The following CNTLN variants were observed in gnomAD, a reference collection of about 807,000 sequenced individuals.
CNTLN encodes centlein, centrosomal protein.
In CNTLN, 212 loss-of-function variants were observed where a neutral mutation model predicts 180.0. That is an observed-to-expected ratio of 1.18 (90% CI 1.05 to 1.32). The LOEUF (loss-of-function observed/expected upper bound fraction) is 1.32. CNTLN is among the 40% of genes most tolerant of loss of function. The probability of loss-of-function intolerance (pLI) is 0.00; values close to 1 mark genes in which losing one functional copy is unlikely to be tolerated. For missense variants in CNTLN, 2,095 were observed against 1,610.9 expected, an observed-to-expected ratio of 1.30 and a Z score of -5.14; for synonymous variants, 722 against 563.1, an observed-to-expected ratio of 1.28 and a Z score of -3.99.
At chr9:17,301,633 G>T in intron 7 of CNTLN, 2 of 980,188 alleles carry the variant, frequency 2.0e-6, no homozygotes, top group Non-Finnish European at 1.2e-6. Context: ...TTTTAATTTT[G>T]TAGTTGTTTT....
chr9:17,408,458 A>T (rs1025638108), intron 15 of CNTLN, among the ~76,000 whole-genome samples: 1 of 151,504 alleles, frequency 6.6e-6, no homozygotes, highest in African/African-American at 2.4e-5. Flanking sequence ...GAGGGAAGGG[A>T]TTTTTTTTCT....
chr9:17,463,334 T>C (rs1831559574), intron 20 of CNTLN, among the ~76,000 whole-genome samples: 1 of 151,548 alleles, frequency 6.6e-6, no homozygotes, highest in South Asian at 2.1e-4. Context: ...AAATATATGA[T>C]TAGTATTTGT....
intron 2 of CNTLN, among the ~76,000 whole-genome samples, chr9:17,198,533 GAT>G (rs1822290692): frequency 9.1e-6 from 1 of 109,392 alleles, no homozygotes; most frequent in South Asian, 3.0e-4. Flanking sequence ...TTACTTTCTT[GAT>G]TTTTTTTTTT....
At chr9:17,360,727 C>T (rs114017572) in intron 12 of CNTLN, among the ~76,000 whole-genome samples, 1,612 of 152,250 alleles carry the variant, frequency 0.011, 31 homozygotes, top group African/African-American at 0.037. Flanking sequence ...ATTTTGCAGA[C>T]GTCCTTCTGG....
chr9:17,231,259 T>TA (rs1824794210), intron 3 of CNTLN, among the ~76,000 whole-genome samples: 1 of 152,172 alleles, frequency 6.6e-6, no homozygotes, highest in African/African-American at 2.4e-5. Flanking sequence ...AGCTATGAGA[T>TA]AGAGTAAGAA....
intron 8 of CNTLN, among the ~76,000 whole-genome samples, 196 bp from the exon 9 acceptor site, chr9:17,330,434 ACT>A (rs1440848807): frequency 6.6e-6 from 1 of 151,806 alleles, no homozygotes; most frequent in East Asian, 1.9e-4. Context: ...TTGCATATAG[ACT>A]CTTGGTTATT....
chr9:17,500,547 C>T (rs1362053856), intron 25 of CNTLN, among the ~76,000 whole-genome samples: 1 of 152,078 alleles, frequency 6.6e-6, no homozygotes, highest in African/African-American at 2.4e-5. Context: ...GATAAATAGA[C>T]CATGAGAACA....
chr9:17,330,624 T>A lies in CNTLN; in HGVS notation c.1342-8T>A. On this transcript the variant is annotated splice_polypyrimidine_tract_variant and splice_region_variant and intron_variant, in intron 8 of 25. Coordinates refer to ENST00000380647, the MANE Select transcript of CNTLN (RefSeq NM_017738.4). ...GATATCTATTTACAATTATACTTTT[T>A]AAAATAGGTACCTCATCGCCCATCC... The A allele has an allele frequency of 6.6e-7, 1 of 1,513,506 alleles. No homozygotes were observed. Among genetic ancestry groups the A allele is most frequent in the Non-Finnish European group, 8.9e-7 (1 of 1,121,154 alleles). 93.8% of individuals were successfully genotyped at this position (1,513,506 alleles called of 1,614,324 possible).
chr9:17,476,218 T>C (rs568278865), intron 23 of CNTLN, among the ~76,000 whole-genome samples: 14 of 152,248 alleles, frequency 9.2e-5, no homozygotes, highest in African/African-American at 3.1e-4. Flanking sequence ...GGCAGTGAAA[T>C]TGATAGATAA....
At chr9:17,138,450 C>T (rs566799574) in intron 1 of CNTLN, among the ~76,000 whole-genome samples, 4 of 152,016 alleles carry the variant, frequency 2.6e-5, no homozygotes, top group South Asian at 2.1e-4. Flanking sequence ...TTGAAGCAGG[C>T]GATGTTGGAA....
intron 2 of CNTLN, among the ~76,000 whole-genome samples, chr9:17,211,486 C>T (rs1321604830): frequency 3.9e-5 from 6 of 152,076 alleles, no homozygotes; most frequent in East Asian, 1.9e-4. Flanking sequence ...AGTCAGGTAG[C>T]GTGATTCCTC....
In CNTLN at chr9:17,284,220, A is replaced by G. The variant is rs191703492; in HGVS notation, c.983+10354A>G. Among the ~76,000 whole-genome samples, 566 of 152,092 alleles carry G rather than the reference A, an allele frequency of 3.7e-3. 1 individual carries two copies. The highest frequency in any genetic ancestry group is 4.6e-3 in the Non-Finnish European group (311 of 67,970). On this transcript the variant is annotated intron_variant, in intron 6 of 25. Coordinates refer to ENST00000380647, the MANE Select transcript of CNTLN (RefSeq NM_017738.4). ...GGATTTTGCATCAATGTTCAGGGAT[A>G]TTGGCCTGAAGTTTTTATTTTCTCA...
chr9:17,154,746 C>G (rs1324113160), intron 2 of CNTLN, among the ~76,000 whole-genome samples: 1 of 152,192 alleles, frequency 6.6e-6, no homozygotes, highest in Non-Finnish European at 1.5e-5. Context: ...ACGGACCAGT[C>G]AGCACTCTGT....
At chr9:17,224,459 A>G (rs987264546) in intron 2 of CNTLN, among the ~76,000 whole-genome samples, 2 of 152,024 alleles carry the variant, frequency 1.3e-5, no homozygotes, top group Non-Finnish European at 2.9e-5. Context: ...TTTATTTTTC[A>G]TCCCCATAGT....
intron 12 of CNTLN, among the ~76,000 whole-genome samples, chr9:17,361,561 C>G (rs927087060): frequency 6.6e-6 from 1 of 152,204 alleles, no homozygotes; most frequent in African/African-American, 2.4e-5. Flanking sequence ...GCCACATACT[C>G]AAAGGAATTC....
chr9:17,176,773 T>C (rs1820743975), intron 2 of CNTLN, among the ~76,000 whole-genome samples: 1 of 152,216 alleles, frequency 6.6e-6, no homozygotes, highest in Non-Finnish European at 1.5e-5. Flanking sequence ...GTTATAGGAT[T>C]GTTCAGTTAT....
chr9:17,232,377 TG>T (rs1324541436), intron 3 of CNTLN, among the ~76,000 whole-genome samples: 1 of 152,046 alleles, frequency 6.6e-6, no homozygotes, highest in African/African-American at 2.4e-5. Context: ...AGTCTGTGTT[TG>T]TCCTTTTGAA....
intron 2 of CNTLN, among the ~76,000 whole-genome samples, chr9:17,152,488 C>G (rs1818959476): frequency 6.6e-6 from 1 of 152,128 alleles, no homozygotes; most frequent in African/African-American, 2.4e-5. Context: ...GTTTCTTAAT[C>G]CTGAGTTCTA....
At chr9:17,373,843 G>A (rs866442337) in intron 13 of CNTLN, among the ~76,000 whole-genome samples, 3 of 152,040 alleles carry the variant, frequency 2.0e-5, no homozygotes, top group Non-Finnish European at 4.4e-5. Flanking sequence ...TGTTGACAGC[G>A]TTGCCAAGAC....
Sources: allele counts gnomAD v4.1 joint callset (sites outside exome capture counted in the v4.1 genomes callset), GRCh38; gene constraint gnomAD v4.1.1; transcripts MANE v1.5; gene names NCBI Gene and HGNC (gene_info 2026-07-23, HGNC 2026-07-21).